Variants in SLX4IP observed in about 807,000 individuals in gnomAD.
SLX4IP encodes the protein SLX4 interacting protein.
In SLX4IP, 34 loss-of-function variants were observed where a neutral mutation model predicts 32.9. The ratio of observed to expected loss-of-function variants is 1.03; its 90% CI spans 0.79 to 1.38. The LOEUF is 1.38. Ranked by LOEUF, SLX4IP falls within the 40% of genes most tolerant of loss-of-function variation. SLX4IP has a pLI of 0.00. For synonymous variants in SLX4IP, 172 were observed against 171.7 expected (o/e 1.00, Z -0.01); for missense variants, 444 against 479.0 (o/e 0.93, Z 0.68).
intron 6 of SLX4IP, among the ~76,000 whole-genome samples, chr20:10,608,852 A>C (rs1038209128): frequency 3.3e-5 from 5 of 152,052 alleles, no homozygotes; most frequent in African/African-American, 1.2e-4. Flanking sequence ...AATACCTGAC[A>C]CTATCATTCT....
At position 10,454,041 on chromosome 20, in the gene SLX4IP, A is replaced by G. The variant is rs560379546; in HGVS notation, c.-29-4135A>G. 3.2e-3 allele frequency among the ~76,000 whole-genome samples: 485 copies of G among 152,206 alleles called. 3 individuals are homozygous for G. The highest frequency in any genetic ancestry group is 0.011 in the African/African-American group (446 of 41,512). Reference sequence around the variant, plus strand: ...TTGCTTTATGGCTGTAGTATCTGCAATCTCCCTAATGATAATTCTTAAAAA... The same window carrying G: ...TTGCTTTATGGCTGTAGTATCTGCAGTCTCCCTAATGATAATTCTTAAAAA... On this transcript the variant is annotated intron_variant, in intron 1 of 7. Transcript: ENST00000334534.
chr20:10,544,761 A>AT (rs999600868), intron 2 of SLX4IP, among the ~76,000 whole-genome samples: 9 of 151,856 alleles, frequency 5.9e-5, no homozygotes, highest in African/African-American at 2.2e-4. Flanking sequence ...TAAAATGGTG[A>AT]TTTTTTTACT....
chr20:10,534,642 C>G (rs969342379), intron 2 of SLX4IP, among the ~76,000 whole-genome samples: 2 of 152,154 alleles, frequency 1.3e-5, no homozygotes, highest in Admixed American at 1.3e-4. Context: ...TGTTCAGCTC[C>G]TGGCGCAGGG....
At chr20:10,592,882 T>A (rs888148769) in intron 4 of SLX4IP, among the ~76,000 whole-genome samples, 1 of 152,160 alleles carries the variant, frequency 6.6e-6, no homozygotes, top group African/African-American at 2.4e-5. Context: ...TCTGCCCACC[T>A]TGGCCTCCCA....
chr20:10,441,010 C>G (rs1600873718), intron 1 of SLX4IP, among the ~76,000 whole-genome samples: 1 of 152,148 alleles, frequency 6.6e-6, no homozygotes, highest in Non-Finnish European at 1.5e-5. Flanking sequence ...AAACCAGAGA[C>G]TTAAAGGAGT....
At chr20:10,485,792 T>C (rs555558628) in intron 2 of SLX4IP, among the ~76,000 whole-genome samples, 1 of 152,298 alleles carries the variant, frequency 6.6e-6, no homozygotes, top group African/African-American at 2.4e-5. Flanking sequence ...GAACATATAC[T>C]GTATGCTTAT....
chr20:10,581,735 G>A (rs1372789011), intron 4 of SLX4IP, among the ~76,000 whole-genome samples: 1 of 152,094 alleles, frequency 6.6e-6, no homozygotes, highest in African/African-American at 2.4e-5. Context: ...GGGCAACATA[G>A]TGATACCCCA....
intron 2 of SLX4IP, among the ~76,000 whole-genome samples, chr20:10,504,766 A>G (rs751191186): frequency 6.6e-6 from 1 of 152,134 alleles, no homozygotes; most frequent in African/African-American, 2.4e-5. Context: ...TCCACTGCCT[A>G]TAGGGAAGAG....
intron 2 of SLX4IP, among the ~76,000 whole-genome samples, chr20:10,550,179 C>T (rs1366200417): frequency 6.6e-6 from 1 of 152,192 alleles, no homozygotes; most frequent in African/African-American, 2.4e-5. Flanking sequence ...GTGGGAATTT[C>T]GTGCAGGCCT....
In SLX4IP at chr20:10,622,925, A is replaced by G. The variant is rs756465586; in HGVS notation, c.773A>G (p.His258Arg). 1.5e-5 allele frequency: 25 copies of G among 1,614,156 alleles called. No homozygotes were observed. The Admixed American group carries it at 4.0e-4, about 26-fold the overall frequency. Residue 258 changes from histidine (H) to arginine (R), a missense_variant, in exon 8 of 8, where the codon CAT becomes CGT. By Grantham distance (29) the His-to-Arg change is conservative (BLOSUM62 0). Transcript: ENST00000334534. Reference protein sequence around the residue: ...PEDTSGQQKPHPGERLKTGLL... With the variant: ...PEDTSGQQKPRPGERLKTGLL... Reference sequence around the variant, plus strand: ...GACACTAGTGGCCAGCAAAAACCTCATCCTGGGGAGCGGTTAAAGACAGGG... The same window carrying G: ...GACACTAGTGGCCAGCAAAAACCTCGTCCTGGGGAGCGGTTAAAGACAGGG...
intron 1 of SLX4IP, among the ~76,000 whole-genome samples, chr20:10,457,259 G>T (rs1201781530): frequency 2.6e-5 from 4 of 152,046 alleles, no homozygotes; most frequent in African/African-American, 9.7e-5. Flanking sequence ...GAAAAGAAGT[G>T]GCAAGAGCAG....
intron 2 of SLX4IP, among the ~76,000 whole-genome samples, chr20:10,515,189 G>A (rs907162149): frequency 4.3e-5 from 6 of 138,844 alleles, no homozygotes; most frequent in Admixed American, 1.7e-4. Context: ...AGTTCAACCT[G>A]TTCTCCTGCC....
intron 2 of SLX4IP, among the ~76,000 whole-genome samples, chr20:10,546,034 A>G (rs546986539): frequency 2.6e-5 from 4 of 152,348 alleles, no homozygotes; most frequent in African/African-American, 7.2e-5. Context: ...CCACATTCCA[A>G]TGCCTCATGA....
chr20:10,600,051 T>TTG (rs560083563), intron 5 of SLX4IP, among the ~76,000 whole-genome samples: 2 of 151,108 alleles, frequency 1.3e-5, no homozygotes, highest in African/African-American at 4.9e-5. Flanking sequence ...ATGATTTTTT[T>TTG]AGGGGGGGGA....
At chr20:10,590,168 A>G (rs1232925828) in intron 4 of SLX4IP, among the ~76,000 whole-genome samples, 2 of 152,108 alleles carry the variant, frequency 1.3e-5, no homozygotes, top group Non-Finnish European at 2.9e-5. Flanking sequence ...CCAGTTGAGA[A>G]CATGGTATAT....
chr20:10,614,151 T>C (rs2067000471), intron 6 of SLX4IP: 1 of 1,082,864 alleles, frequency 9.2e-7, no homozygotes, highest in South Asian at 1.4e-5. Context: ...GGCCTCGCGT[T>C]GCACGCCCAG....
chr20:10,600,962 C>T (rs1476749011), intron 5 of SLX4IP, among the ~76,000 whole-genome samples: 2 of 152,070 alleles, frequency 1.3e-5, no homozygotes, highest in Admixed American at 6.5e-5. Context: ...TGGAGGCTGG[C>T]GAACAAATGG....
chr20:10,560,727 A>G lies in SLX4IP; in HGVS notation c.145A>G (p.Ile49Val). ...AGTCTGTTTACTGTTAAAAGAAACCATTGATTCAAGAGTTCAGGAGTACTT... is the reference window on the plus strand; with the variant it reads ...AGTCTGTTTACTGTTAAAAGAAACCGTTGATTCAAGAGTTCAGGAGTACTT... ...EEVCLLLKETIDSRVQEYLEV... is the reference protein window; with the variant it reads ...EEVCLLLKETVDSRVQEYLEV... The change falls in exon 4 of 8, where the codon ATT (isoleucine) becomes GTT (valine). Residue 49 changes from isoleucine (I) to valine (V), a missense_variant. Physicochemically the swap from Ile to Val is conservative, Grantham distance 29 (BLOSUM62 3). Coordinates refer to ENST00000334534, the MANE Select transcript of SLX4IP (RefSeq NM_001009608.3). 1 of 1,595,878 alleles carries G rather than the reference A, an allele frequency of 6.3e-7. No individual in the cohort carries two copies. The highest frequency in any genetic ancestry group is 8.5e-7 in the Non-Finnish European group (1 of 1,171,368).
In SLX4IP at chr20:10,485,939, G is replaced by A. The variant is rs540272641; in HGVS notation, c.27+27708G>A. ...TCATATTGAGTCGGTGGAAGAAGAG[G>A]AGGGGTTGGTCTTGCTGTCTCAGGG... On this transcript the variant is annotated intron_variant, in intron 2 of 7. Transcript: ENST00000334534. Among the ~76,000 whole-genome samples, 213 of 152,220 alleles carry A rather than the reference G, an allele frequency of 1.4e-3. 2 individuals carry two copies. Among genetic ancestry groups the A allele is most frequent in the Admixed American group, 3.4e-3 (52 of 15,284 alleles).
Sources: gnomAD v4.1 joint callset for allele counts (sites outside exome capture counted in the v4.1 genomes callset) on GRCh38, gnomAD v4.1.1 for gene constraint, MANE v1.5 for transcripts, NCBI Gene and HGNC (gene_info 2026-07-23, HGNC 2026-07-21) for gene names.